TCF4: variants seen among roughly 807,000 people sequenced by gnomAD.
TCF4 encodes SL3-3 enhancer factor 2.
In TCF4, 3 loss-of-function variants were observed where a neutral mutation model predicts 82.1. The ratio of observed to expected loss-of-function variants is 0.04; its 90% CI spans 0.02 to 0.09. The LOEUF is 0.09. TCF4 is among the 10% of genes least tolerant of loss of function. TCF4 has a pLI of 1.00. For synonymous variants in TCF4, 276 were observed against 309.6 expected (o/e 0.89, Z 1.14); for missense variants, 518 against 852.7 (o/e 0.61, Z 4.89).
intron 6 of TCF4, among the ~76,000 whole-genome samples, chr18:55,383,003 A>G (rs1228889570): frequency 6.6e-6 from 1 of 152,264 alleles, no homozygotes; most frequent in African/African-American, 2.4e-5. Context: ...ACAAGAACTC[A>G]GTTATCTGAC....
At chr18:55,553,614 T>C (rs1004629479) in intron 3 of TCF4, among the ~76,000 whole-genome samples, 14 of 152,218 alleles carry the variant, frequency 9.2e-5, no homozygotes, top group African/African-American at 3.4e-4. Context: ...TTAGTTTGGG[T>C]GGTAAAGTTT....
chr18:55,590,138 G>C (rs2097682140), upstream of TCF4, among the ~76,000 whole-genome samples: 1 of 152,254 alleles, frequency 6.6e-6, no homozygotes, highest in Non-Finnish European at 1.5e-5. Context: ...AAACTCCACA[G>C]ACTTCCGCAG....
chr18:55,259,081 C>T (rs550443872), intron 13 of TCF4, among the ~76,000 whole-genome samples: 56 of 152,224 alleles, frequency 3.7e-4, no homozygotes, highest in Non-Finnish European at 2.4e-4. Context: ...CTCCTGTCCT[C>T]GACCAAGGAG....
rs182065252 is a variant in TCF4 at position 55,276,663 on chromosome 18, T to G, written c.656-911A>C. 1.8e-3 allele frequency among the ~76,000 whole-genome samples: 273 copies of G among 152,282 alleles called. 3 individuals carry two copies. Among genetic ancestry groups the G allele is most frequent in the Admixed American group, 3.7e-3 (56 of 15,290 alleles). ...CTACATTACTGCTAAATTCATTCAT[T>G]TTTTCTTTGTTTCAATAGTTTAACA... On this transcript the variant is annotated intron_variant, in intron 9 of 19. Transcript: ENST00000354452.
intron 5 of TCF4, among the ~76,000 whole-genome samples, chr18:55,417,378 A>G (rs1271556314): frequency 6.6e-6 from 1 of 152,222 alleles, no homozygotes; most frequent in Non-Finnish European, 1.5e-5. Flanking sequence ...TCTGCTCACT[A>G]GATTAGGATA....
At chr18:55,532,723 A>C (rs1471967907) in intron 3 of TCF4, among the ~76,000 whole-genome samples, 1 of 152,080 alleles carries the variant, frequency 6.6e-6, no homozygotes, top group Non-Finnish European at 1.5e-5. Context: ...ACTGAGTTCT[A>C]CTCTGAAAAG....
chr18:55,519,007 T>A (rs979354192), intron 3 of TCF4: 3 of 152,138 alleles, frequency 2.0e-5, no homozygotes, highest in Non-Finnish European at 4.4e-5. Context: ...ATGTCACTAG[T>A]CAATGCTCTT....
At chr18:55,601,862 C>T (rs17514172) in intron 2 of TCF4, among the ~76,000 whole-genome samples, 21,748 of 152,172 alleles carry the variant, frequency 0.14, 2,018 homozygotes, top group Admixed American at 0.28. Context: ...TTGTAAACTT[C>T]TCTCATGGAA....
At chr18:55,455,404 C>T (rs2095725223) in intron 5 of TCF4, among the ~76,000 whole-genome samples, 1 of 151,438 alleles carries the variant, frequency 6.6e-6, no homozygotes, top group Non-Finnish European at 1.5e-5. Context: ...AATGAAAATT[C>T]CCAAAGTAAA....
At chr18:55,421,800 C>T (rs1361859739) in intron 5 of TCF4, among the ~76,000 whole-genome samples, 1 of 152,114 alleles carries the variant, frequency 6.6e-6, no homozygotes, top group Admixed American at 6.5e-5. Context: ...TTCAGTTTAA[C>T]TTCAGGCTTG....
intron 10 of TCF4, among the ~76,000 whole-genome samples, chr18:55,273,140 G>A (rs965113944): frequency 6.6e-6 from 1 of 152,168 alleles, no homozygotes; most frequent in Admixed American, 6.5e-5. Context: ...ATTAGCTGTG[G>A]GATTCTGTTG....
chr18:55,289,605 A>C (rs2064536332), intron 8 of TCF4, among the ~76,000 whole-genome samples: 1 of 152,172 alleles, frequency 6.6e-6, no homozygotes, highest in Non-Finnish European at 1.5e-5. Flanking sequence ...TTAGATGACG[A>C]CTACTGCTTC....
intron 10 of TCF4, among the ~76,000 whole-genome samples, chr18:55,272,485 C>A (rs2060590694): frequency 1.3e-5 from 2 of 151,992 alleles, no homozygotes; most frequent in South Asian, 4.1e-4. Flanking sequence ...GCCCACTATT[C>A]GTTCATTTTA....
chr18:55,385,067 C>T (rs914076405), intron 6 of TCF4, among the ~76,000 whole-genome samples: 8 of 152,004 alleles, frequency 5.3e-5, no homozygotes, highest in East Asian at 1.9e-4. Context: ...GCCCCCACCC[C>T]GTCTCACTTC....
intron 5 of TCF4, among the ~76,000 whole-genome samples, chr18:55,425,742 T>A (rs549019575): frequency 2.6e-5 from 4 of 152,290 alleles, no homozygotes; most frequent in African/African-American, 7.2e-5. Context: ...TAGCTCAAGA[T>A]CAAAGGAACT....
chr18:55,234,560 C>A lies in TCF4; in HGVS notation c.1474G>T (p.Asp492Tyr). The A allele has an allele frequency of 6.2e-7, 1 of 1,614,068 alleles. No individual in the cohort carries two copies. The highest frequency in any genetic ancestry group is 1.3e-5 in the African/African-American group (1 of 75,016). Reference sequence around the variant, plus strand: ...GAGGCCAACCTACCTCTGTAAGGGTCCTGGGGTGGGTTCAGGTCAGGGGAA... The same window carrying A: ...GAGGCCAACCTACCTCTGTAAGGGTACTGGGGTGGGTTCAGGTCAGGGGAA... ...ATSPDLNPPQ[D>Y]PYRGMPPGLQ... The change falls in exon 16 of 20, where the codon GAC becomes TAC. Residue 492 changes from aspartate to tyrosine, a missense_variant. Around this residue, in one of 7 missense-constraint regions of TCF4, gnomAD observed 144 missense variants for 190.2 expected, o/e 0.76. Coordinates refer to ENST00000354452, the MANE Select transcript of TCF4 (RefSeq NM_001083962.2).
chr18:55,624,220 T>TTTTCTTAAAATTCTGTAGGCAGC (rs2097724316), intron 2 of TCF4, among the ~76,000 whole-genome samples: 1 of 152,024 alleles, frequency 6.6e-6, no homozygotes, highest in Non-Finnish European at 1.5e-5. Context: ...TACTCTTGGT[T>TTTTCTTAAAATTCTGTAGGCAGC]TTTCTTAAAA....
intron 11 of TCF4, chr18:55,267,917 A>G (rs970810367): frequency 3.9e-5 from 6 of 152,154 alleles, no homozygotes; most frequent in African/African-American, 1.4e-4. Context: ...CTCAGCATAT[A>G]GAAGTCACCT....
intron 5 of TCF4, among the ~76,000 whole-genome samples, chr18:55,428,986 AAATAT>A (rs1296385703): frequency 6.6e-6 from 1 of 152,224 alleles, no homozygotes; most frequent in African/African-American, 2.4e-5. Flanking sequence ...TACAGAAAAT[AAATAT>A]AAGTGGGAAA....
Sources: gnomAD v4.1 joint callset for allele counts (sites outside exome capture counted in the v4.1 genomes callset) on GRCh38, gnomAD v4.1.1 for gene constraint, gnomAD v4.1.1 regional missense constraint, MANE v1.5 for transcripts, NCBI Gene and HGNC (gene_info 2026-07-23, HGNC 2026-07-21) for gene names.